Variants in SYN3 observed in about 807,000 individuals in gnomAD.
SYN3 encodes the protein synapsin-3.
In SYN3, 35 loss-of-function variants were observed where a neutral mutation model predicts 65.8. The ratio of observed to expected loss-of-function variants is 0.53; its 90% CI spans 0.41 to 0.70. The LOEUF (loss-of-function observed/expected upper bound fraction) is 0.70, where lower values mean the gene tolerates loss of function less well. Among genes scored for constraint, SYN3 ranks in the 30% least tolerant of loss-of-function variants. SYN3 has a pLI of 0.00. For synonymous variants in SYN3, 270 were observed against 292.9 expected, an observed-to-expected ratio of 0.92 and a Z score of 0.80; for missense variants, 680 against 749.0, an observed-to-expected ratio of 0.91 and a Z score of 1.08.
At chr22:32,903,547 C>T (rs934335393) in intron 4 of SYN3, among the ~76,000 whole-genome samples, 2 of 152,186 alleles carry the variant, frequency 1.3e-5, no homozygotes, top group Admixed American at 1.3e-4. Context: ...AAGAATTGAG[C>T]TCTCCAGGCC....
intron 6 of SYN3, among the ~76,000 whole-genome samples, chr22:32,757,441 C>T (rs977503626): frequency 6.6e-6 from 1 of 151,922 alleles, no homozygotes; most frequent in Non-Finnish European, 1.5e-5. Context: ...GGGATTACAG[C>T]GGTGCGCCAC....
chr22:32,511,296 C>T lies in SYN3; in HGVS notation c.*2396G>A, dbSNP rs1405593388. Among the ~76,000 whole-genome samples, 5 of 152,122 alleles carry T rather than the reference C, an allele frequency of 3.3e-5. No homozygotes were observed. The highest frequency in any genetic ancestry group is 7.4e-5 in the Non-Finnish European group (5 of 68,010). ...CTATTCCTTGCCATCACCTGACCTC[C>T]CCCAAGCATGACTGTGGGATATTGA... On this transcript the variant is annotated 3_prime_UTR_variant, in exon 14 of 14. Transcript: ENST00000358763.
At chr22:32,846,673 A>G (rs1388211595) in intron 6 of SYN3, among the ~76,000 whole-genome samples, 3 of 152,236 alleles carry the variant, frequency 2.0e-5, no homozygotes, top group East Asian at 1.9e-4. Context: ...CCTGGCTCTC[A>G]GGCTCCAGAG....
chr22:32,593,090 T>G (rs901132260), intron 7 of SYN3, among the ~76,000 whole-genome samples: 1 of 152,188 alleles, frequency 6.6e-6, no homozygotes, highest in Non-Finnish European at 1.5e-5. Context: ...AGGTACCAGC[T>G]TTGTTTTTCT....
At chr22:32,982,251 T>G (rs1184483390) in intron 2 of SYN3, among the ~76,000 whole-genome samples, 2 of 152,088 alleles carry the variant, frequency 1.3e-5, no homozygotes, top group Non-Finnish European at 2.9e-5. Context: ...GATTTATTAT[T>G]GATCTATCCA....
At chr22:32,976,717 C>T (rs1378454822) in intron 3 of SYN3, among the ~76,000 whole-genome samples, 1 of 152,156 alleles carries the variant, frequency 6.6e-6, no homozygotes, top group Non-Finnish European at 1.5e-5. Context: ...CCTCCACGGG[C>T]CTCCCCAGGG....
chr22:32,591,299 G>A (rs1470728519), intron 7 of SYN3, among the ~76,000 whole-genome samples: 2 of 152,046 alleles, frequency 1.3e-5, no homozygotes, highest in African/African-American at 4.8e-5. Flanking sequence ...TTGTCAAAAG[G>A]AGAAAATAGT....
At position 32,634,777 on chromosome 22, in the gene SYN3, T is replaced by A. The variant is rs77626658; in HGVS notation, c.712-38041A>T. 5.9e-3 allele frequency among the ~76,000 whole-genome samples: 906 copies of A among 152,310 alleles called. 12 individuals carry two copies. Among genetic ancestry groups the A allele is most frequent in the African/African-American group, 0.02 (835 of 41,576 alleles). Reference sequence around the variant, plus strand: ...GGCCCTTTCAGTGCTCCGGAATCCCTTGGCCACCTCTGCCTTCCCACCCTG... The same window carrying A: ...GGCCCTTTCAGTGCTCCGGAATCCCATGGCCACCTCTGCCTTCCCACCCTG... On this transcript the variant is annotated intron_variant, in intron 6 of 13. Coordinates refer to ENST00000358763, the MANE Select transcript of SYN3 (RefSeq NM_003490.4).
chr22:33,015,347 C>A, intron 1 of SYN3: 2 of 629,742 alleles, frequency 3.2e-6, no homozygotes, highest in South Asian at 1.7e-5. Context: ...CAGAGAAGAT[C>A]AAAGAACTTA....
chr22:32,937,839 A>C lies in SYN3; in HGVS notation c.370-6358T>G, dbSNP rs554169137. On this transcript the variant is annotated intron_variant, in intron 3 of 13. Coordinates refer to ENST00000358763, the MANE Select transcript of SYN3 (RefSeq NM_003490.4). The stretch of plus-strand genomic sequence containing the variant: ...ATGAAGCACAGAGACAAAAATACAC[A>C]CAAAAAAAAGCAAAGAAAGAAAAAG... Among the ~76,000 whole-genome samples, 89 of 69,232 alleles carry C rather than the reference A, an allele frequency of 1.3e-3. 1 individual carries two copies. The highest frequency in any genetic ancestry group is 3.7e-3 in the African/African-American group (79 of 21,524). The allele number at this position is 69,232 out of a possible 152,430, so 45.4% of individuals were successfully genotyped here.
chr22:32,550,167 G>A (rs904287134), intron 7 of SYN3, among the ~76,000 whole-genome samples: 4 of 152,078 alleles, frequency 2.6e-5, no homozygotes, highest in African/African-American at 7.2e-5. Flanking sequence ...ATTATTTCAA[G>A]TGACTTTGTA....
intron 8 of SYN3, 47 bp downstream of exon 8, chr22:32,541,524 G>T: frequency 6.2e-7 from 1 of 1,610,608 alleles, no homozygotes; most frequent in Non-Finnish European, 8.5e-7. Context: ...TGCACCTCTG[G>T]GCTGCCTTCC....
At position 32,513,512 on chromosome 22, in the gene SYN3, G is replaced by T; in HGVS notation, c.*180C>A. 2 of 824,244 alleles carry T rather than the reference G, an allele frequency of 2.4e-6. No homozygotes were observed. The highest frequency in any genetic ancestry group is 3.6e-6 in the Non-Finnish European group (2 of 554,612). The allele number at this position is 824,244 out of a possible 1,614,324, so 51.1% of individuals were successfully genotyped here. On this transcript the variant is annotated 3_prime_UTR_variant, in exon 14 of 14. Transcript: ENST00000358763. ...CCTCACAGTCAGACAATGCTGGAAT[G>T]TCACGGTGAAGGAAAATGGGAACAA...
intron 7 of SYN3, among the ~76,000 whole-genome samples, chr22:32,594,835 C>A (rs748789365): frequency 6.6e-6 from 1 of 152,102 alleles, no homozygotes; most frequent in Admixed American, 6.6e-5. Context: ...TTTAGCCATA[C>A]AGAAGGTATA....
intron 7 of SYN3, among the ~76,000 whole-genome samples, chr22:32,589,488 G>A (rs73154334): frequency 0.063 from 9,550 of 152,188 alleles, 359 homozygotes; most frequent in Non-Finnish European, 0.083. Flanking sequence ...ATTTCAGGGG[G>A]TGCAAATATC....
intron 4 of SYN3, among the ~76,000 whole-genome samples, chr22:32,911,132 T>A (rs1209592075): frequency 6.6e-6 from 1 of 152,206 alleles, no homozygotes; most frequent in Non-Finnish European, 1.5e-5. Context: ...TATAGTGATT[T>A]ATGCTTATAG....
In SYN3 at chr22:32,582,391, C is replaced by T. The variant is rs147093562; in HGVS notation, c.774+14283G>A. On this transcript the variant is annotated intron_variant, in intron 7 of 13. Transcript: ENST00000358763. The stretch of plus-strand genomic sequence containing the variant: ...TTGAGACCGGGTCTCACTCTGTTGC[C>T]CAGGCTGGAGTGCAGTGGTGTGATC... Among the ~76,000 whole-genome samples the T allele has an allele frequency of 7.5e-3, 1,132 of 150,548 alleles. 16 individuals carry two copies. Among genetic ancestry groups the T allele is most frequent in the African/African-American group, 0.025 (1,046 of 41,210 alleles).
chr22:32,886,525 T>C (rs1239026213), intron 4 of SYN3, among the ~76,000 whole-genome samples: 1 of 152,242 alleles, frequency 6.6e-6, no homozygotes, highest in Non-Finnish European at 1.5e-5. Flanking sequence ...TTTAAAAATA[T>C]ATACTTTATA....
At chr22:32,742,003 G>C (rs2147397636) in intron 6 of SYN3, among the ~76,000 whole-genome samples, 1 of 151,508 alleles carries the variant, frequency 6.6e-6, no homozygotes, top group African/African-American at 2.4e-5. Flanking sequence ...GCCGGGCGCG[G>C]TGGCTCACAC....
Sources: allele counts gnomAD v4.1 joint callset (sites outside exome capture counted in the v4.1 genomes callset), GRCh38; gene constraint gnomAD v4.1.1; transcripts MANE v1.5; gene names NCBI Gene and HGNC (gene_info 2026-07-23, HGNC 2026-07-21).